DOCK3: variants seen among roughly 807,000 people sequenced by gnomAD.
DOCK3 encodes the protein dedicator of cytokinesis protein 3.
Under a neutral mutation model 265.6 loss-of-function variants are expected in DOCK3, and 60 were observed. That is an observed-to-expected ratio of 0.23 (90% CI 0.18 to 0.28). The LOEUF (loss-of-function observed/expected upper bound fraction) is 0.28, where lower values mean the gene tolerates loss of function less well. Among genes scored for constraint, DOCK3 ranks in the 10% least tolerant of loss-of-function variants. DOCK3 has a pLI of 1.00. For missense variants in DOCK3, 1,981 were observed against 2,594.3 expected (o/e 0.76, Z 5.14); for synonymous variants, 881 against 938.0 (o/e 0.94, Z 1.11).
rs543248066 is a variant in DOCK3 at position 51,205,009 on chromosome 3, A to C, written c.1038-3765A>C. On this transcript the variant is annotated intron_variant, in intron 12 of 52. Coordinates refer to ENST00000266037, the MANE Select transcript of DOCK3 (RefSeq NM_004947.5). The stretch of plus-strand genomic sequence containing the variant: ...GGACGGGGAACATCACACTCTGGGG[A>C]CTGTTGTGGGGTGGGGGTAGGGGGG... Among the ~76,000 whole-genome samples the C allele has an allele frequency of 2.0e-5, 3 of 150,760 alleles. No individual in the cohort carries two copies. In the South Asian group the frequency reaches 6.3e-4, roughly 32 times the overall value.
chr3:50,975,897 C>G (rs1365073710), intron 5 of DOCK3, among the ~76,000 whole-genome samples: 2 of 149,922 alleles, frequency 1.3e-5, no homozygotes. Context: ...AGGAATTTAT[C>G]CATTTCTTCT....
At chr3:51,007,883 T>C (rs908391644) in intron 5 of DOCK3, among the ~76,000 whole-genome samples, 15 of 152,216 alleles carry the variant, frequency 9.9e-5, no homozygotes, top group Non-Finnish European at 2.1e-4. Context: ...AGAGAATCCT[T>C]TCCCCGTTTC....
At chr3:50,897,360 A>G (rs2048947405) in intron 4 of DOCK3, among the ~76,000 whole-genome samples, 1 of 152,230 alleles carries the variant, frequency 6.6e-6, no homozygotes, top group South Asian at 2.1e-4. Context: ...GAAGTTGCTT[A>G]TCAGCCTAAG....
intron 3 of DOCK3, among the ~76,000 whole-genome samples, chr3:50,889,680 A>G (rs2048549272): frequency 6.6e-6 from 1 of 152,204 alleles, no homozygotes; most frequent in African/African-American, 2.4e-5. Context: ...AGATGATGAT[A>G]TTAGTTTTGG....
chr3:51,270,043 A>G (rs1012980284), intron 23 of DOCK3, among the ~76,000 whole-genome samples: 4 of 152,086 alleles, frequency 2.6e-5, no homozygotes, highest in Non-Finnish European at 5.9e-5. Context: ...GAACTGTTCT[A>G]TTATCAGATT....
At chr3:50,899,178 A>G (rs1343220102) in intron 4 of DOCK3, among the ~76,000 whole-genome samples, 1 of 152,158 alleles carries the variant, frequency 6.6e-6, no homozygotes, top group African/African-American at 2.4e-5. Flanking sequence ...GGGTGCATAT[A>G]TATTTAGGAT....
chr3:51,356,657 T>A (rs1440761797), intron 43 of DOCK3, among the ~76,000 whole-genome samples, 164 bp downstream of exon 43: 1 of 152,122 alleles, frequency 6.6e-6, no homozygotes, highest in African/African-American at 2.4e-5. Context: ...CCTTCTCTTA[T>A]CTAATCCATA....
intron 5 of DOCK3, among the ~76,000 whole-genome samples, chr3:51,035,877 C>T (rs959041927): frequency 6.6e-6 from 1 of 152,138 alleles, no homozygotes; most frequent in Non-Finnish European, 1.5e-5. Flanking sequence ...AAGACTTGAT[C>T]TGCATTTAAA....
At chr3:51,293,504 A>C (rs140028141) in intron 27 of DOCK3, among the ~76,000 whole-genome samples, 2 of 152,230 alleles carry the variant, frequency 1.3e-5, no homozygotes, top group African/African-American at 2.4e-5. Context: ...ACCTGAAATG[A>C]TAAAGCTACT....
At chr3:50,767,077 G>A (rs57528371) in intron 1 of DOCK3, among the ~76,000 whole-genome samples, 13,545 of 151,940 alleles carry the variant, frequency 0.089, 1,239 homozygotes, top group East Asian at 0.33. Context: ...TTGCCTGTTC[G>A]CTCTGATGGT....
chr3:50,953,169 T>C lies in DOCK3; in HGVS notation c.315+19092T>C, dbSNP rs2076638325. Among the ~76,000 whole-genome samples, 3 of 152,078 alleles carry C rather than the reference T, an allele frequency of 2.0e-5. No homozygotes were observed. In the South Asian group the frequency reaches 6.2e-4, roughly 32 times the overall value. On this transcript the variant is annotated intron_variant, in intron 5 of 52. Coordinates refer to ENST00000266037, the MANE Select transcript of DOCK3 (RefSeq NM_004947.5). ...AACACTCTTTTGAAATTAAGCAGAA[T>C]CAAGCAGACTATAGGGAAAAGAAAA...
intron 9 of DOCK3, among the ~76,000 whole-genome samples, chr3:51,119,971 A>C (rs4364203): frequency 1.3e-5 from 2 of 151,694 alleles, no homozygotes; most frequent in Non-Finnish European, 1.5e-5. Flanking sequence ...CTGTCAATTC[A>C]TCAGACTCAT....
At chr3:51,376,810 C>G (rs1355597511) in intron 51 of DOCK3, among the ~76,000 whole-genome samples, 3 of 152,236 alleles carry the variant, frequency 2.0e-5, no homozygotes, top group Non-Finnish European at 4.4e-5. Context: ...GAGGACATAC[C>G]TCTGTGTCCT....
chr3:50,920,505 A>G (rs1227096703), intron 4 of DOCK3, among the ~76,000 whole-genome samples: 2 of 151,988 alleles, frequency 1.3e-5, no homozygotes, highest in African/African-American at 2.4e-5. Flanking sequence ...GAATTTATCC[A>G]TTTCTTCTAG....
Position 51,359,268 on chromosome 3 carries a change from C to G in DOCK3, c.4884+1191C>G, listed in dbSNP as rs2086571805. On this transcript the variant is annotated intron_variant, in intron 46 of 52. Coordinates refer to ENST00000266037, the MANE Select transcript of DOCK3 (RefSeq NM_004947.5). The surrounding 1 kb of genome is among the most constrained non-coding windows in gnomAD (Gnocchi z 4.8). Reference sequence around the variant, plus strand: ...GTCCCTCCAGGCTCCCAGTGCAGGTCTCAGCCTGTGTGGACAAGTGTGGAC... The same window carrying G: ...GTCCCTCCAGGCTCCCAGTGCAGGTGTCAGCCTGTGTGGACAAGTGTGGAC... Among the ~76,000 whole-genome samples the G allele has an allele frequency of 6.6e-6, 1 of 152,210 alleles. No homozygotes were observed. Among genetic ancestry groups the G allele is most frequent in the Non-Finnish European group, 1.5e-5 (1 of 68,040 alleles).
intron 10 of DOCK3, among the ~76,000 whole-genome samples, chr3:51,147,846 G>A (rs1560125479): frequency 6.6e-6 from 1 of 152,120 alleles, no homozygotes; most frequent in South Asian, 2.1e-4. Flanking sequence ...AATCCTTTGG[G>A]TATATACCCA....
intron 2 of DOCK3, among the ~76,000 whole-genome samples, chr3:50,825,836 G>T (rs1224813045): frequency 1.3e-5 from 2 of 152,158 alleles, no homozygotes; most frequent in African/African-American, 4.8e-5. Flanking sequence ...CCCTTGTTAT[G>T]ATGCTGAAGT....
chr3:51,368,942 C>T lies in DOCK3; in HGVS notation c.5294-5527C>T, dbSNP rs568632111. 2.0e-5 allele frequency among the ~76,000 whole-genome samples: 3 copies of T among 152,300 alleles called. No individual in the cohort carries two copies. The South Asian group carries it at 6.2e-4, about 32-fold the overall frequency. On this transcript the variant is annotated intron_variant, in intron 49 of 52. Transcript: ENST00000266037. ...CAGGCAAACAGGGTCTGGAGTGGACCTCCATCAAACTCCAACAGACCTGCA... is the reference window on the plus strand; with the variant it reads ...CAGGCAAACAGGGTCTGGAGTGGACTTCCATCAAACTCCAACAGACCTGCA...
intron 9 of DOCK3, among the ~76,000 whole-genome samples, chr3:51,139,430 G>C (rs531255088): frequency 6.6e-6 from 1 of 152,282 alleles, no homozygotes; most frequent in South Asian, 2.1e-4. Flanking sequence ...CCTGGCTCAT[G>C]GATGTTTCTG....
Sources: gnomAD v4.1 joint callset for allele counts (sites outside exome capture counted in the v4.1 genomes callset) on GRCh38, gnomAD v4.1.1 for gene constraint, Gnocchi (gnomAD v3.1) non-coding constraint, MANE v1.5 for transcripts, NCBI Gene and HGNC (gene_info 2026-07-23, HGNC 2026-07-21) for gene names.